CALCOCO2: variants seen among roughly 807,000 people sequenced by gnomAD.
CALCOCO2 encodes calcium binding and coiled-coil domain 2.
In CALCOCO2, 42 loss-of-function variants were observed where a neutral mutation model predicts 62.5. The observed-to-expected ratio is 0.67, with a 90% CI of 0.53 to 0.87. The LOEUF (loss-of-function observed/expected upper bound fraction) is 0.87. Among genes scored for constraint, CALCOCO2 ranks in the 40% least tolerant of loss-of-function variants. The pLI, the probability that CALCOCO2 is intolerant of heterozygous loss-of-function variation, is 0.00. For missense variants in CALCOCO2, 456 were observed against 515.0 expected (o/e 0.89, Z 1.11); for synonymous variants, 167 against 173.0 (o/e 0.97, Z 0.27).
rs2040123081 is a variant in CALCOCO2, at chr17:48,851,104, C to T, written c.559C>T (p.Leu187=). 4.4e-6 allele frequency: 7 copies of T among 1,603,474 alleles called. No individual in the cohort carries two copies. The highest frequency in any genetic ancestry group is 5.1e-6 in the Non-Finnish European group (6 of 1,170,584). The change falls in exon 6 of 13, where the codon CTA becomes TTA. Residue 187 remains leucine (L), a synonymous_variant. Coordinates refer to ENST00000258947, the MANE Select transcript of CALCOCO2 (RefSeq NM_005831.5). ...LQKKQEELET[L]QSINKKLELK... is the part of the protein sequence containing the mutation. ...CAATCTATAGGAGGAGCTAGAAACC[C>T]TACAGAGCATCAATAAGAAGTTGGA... is the stretch of plus-strand genomic sequence containing the variant.
At chr17:48,860,221 T>G in intron 10 of CALCOCO2, 93 bp from the exon 11 acceptor site, 1 of 913,170 alleles carries the variant, frequency 1.1e-6, no homozygotes, top group Non-Finnish European at 1.7e-6. Flanking sequence ...CATTGCTAAT[T>G]GAGAACTACC....
At chr17:48,832,603 G>A (rs1373220928) in intron 1 of CALCOCO2, among the ~76,000 whole-genome samples, 1 of 152,152 alleles carries the variant, frequency 6.6e-6, no homozygotes. Flanking sequence ...CCAGAAAAGG[G>A]TACTGTGACT....
intron 9 of CALCOCO2, 190 bp downstream of exon 9, chr17:48,853,202 T>C (rs921495757): frequency 3.7e-6 from 2 of 542,262 alleles, no homozygotes; most frequent in Non-Finnish European, 6.6e-6. Context: ...ATTTCTAATA[T>C]GTGATAAGTA....
chr17:48,846,007 C>G, intron 2 of CALCOCO2: 1 of 1,171,704 alleles, frequency 8.5e-7, no homozygotes, highest in Non-Finnish European at 1.2e-6. Flanking sequence ...CAGCTCACCT[C>G]AAATGCTCTC....
At chr17:48,852,228 A>T in intron 7 of CALCOCO2, 1 of 308,066 alleles carries the variant, frequency 3.2e-6, no homozygotes. Context: ...CTCTTAATAT[A>T]GATGACAATC....
intron 1 of CALCOCO2, among the ~76,000 whole-genome samples, chr17:48,840,118 T>TGTTGTTGTTGTTGTC (rs2039956918): frequency 6.6e-6 from 1 of 151,988 alleles, no homozygotes; most frequent in African/African-American, 2.4e-5. Flanking sequence ...CCTATTTCGT[T>TGTTGTTGTTGTTGTC]GTTGTTGTTG....
intron 2 of CALCOCO2, chr17:48,842,508 G>C (rs2143595126): frequency 6.6e-6 from 1 of 152,266 alleles, no homozygotes; most frequent in African/African-American, 2.4e-5. Flanking sequence ...TGTTGAGATA[G>C]AGTCTTGCTC....
intron 4 of CALCOCO2, 34 bp from the exon 5 acceptor site, chr17:48,849,218 C>G (rs1004390097): frequency 4.3e-6 from 7 of 1,609,246 alleles, no homozygotes; most frequent in Non-Finnish European, 6.0e-6. Context: ...GCTAGAGGGA[C>G]TTGGAATATA....
intron 4 of CALCOCO2, chr17:48,848,671 C>T (rs943051831): frequency 1.6e-5 from 10 of 610,488 alleles, no homozygotes; most frequent in African/African-American, 3.7e-5. Flanking sequence ...ACTTCTTTAA[C>T]TCAGCTGGCA....
intron 2 of CALCOCO2, among the ~76,000 whole-genome samples, chr17:48,847,428 C>T (rs779989835): frequency 1.3e-4 from 20 of 152,140 alleles, no homozygotes; most frequent in Non-Finnish European, 2.6e-4. Context: ...AGCTCTATCT[C>T]TGACTTGTAG....
intron 10 of CALCOCO2, among the ~76,000 whole-genome samples, chr17:48,859,615 T>A (rs1181913221): frequency 6.6e-6 from 1 of 151,626 alleles, no homozygotes; most frequent in Non-Finnish European, 1.5e-5. Flanking sequence ...AAAAACAAAT[T>A]TAACAACAAC....
At chr17:48,851,668 G>A (rs2040131626) in intron 7 of CALCOCO2, 40 bp downstream of exon 7, 3 of 1,146,110 alleles carry the variant, frequency 2.6e-6, no homozygotes, top group Non-Finnish European at 2.7e-6. Context: ...TATTTTCTTA[G>A]CCTTACCACT....
At chr17:48,862,733 G>A in intron 12 of CALCOCO2, 105 bp from the exon 13 acceptor site, 1 of 868,702 alleles carries the variant, frequency 1.2e-6, no homozygotes, top group Non-Finnish European at 1.9e-6. Flanking sequence ...CTAACCATGT[G>A]CCAGTCATTA....
chr17:48,856,749 G>A (rs1366116425), intron 10 of CALCOCO2: 3 of 369,248 alleles, frequency 8.1e-6, no homozygotes, highest in Non-Finnish European at 1.1e-5. Flanking sequence ...TGTACTTGAA[G>A]TCAAGGTCAT....
chr17:48,852,879 A>G (rs368214911), intron 8 of CALCOCO2, 47 bp from the exon 9 acceptor site: 33 of 1,359,310 alleles, frequency 2.4e-5, no homozygotes, highest in Non-Finnish European at 3.5e-5. Context: ...GTGTGTGTGC[A>G]TGTGTGTGTT....
intron 7 of CALCOCO2, 26 bp from the exon 8 acceptor site, chr17:48,852,480 G>C: frequency 1.3e-6 from 2 of 1,598,790 alleles, no homozygotes; most frequent in Non-Finnish European, 1.7e-6. Context: ...TTTATATCTT[G>C]GTTATGTTCA....
At position 48,841,734 on chromosome 17, in the gene CALCOCO2, C is replaced by A. The variant is rs777380934; in HGVS notation, c.27C>A (p.Pro9=). 3.1e-6 allele frequency: 5 copies of A among 1,612,854 alleles called. No individual in the cohort carries two copies. The South Asian group carries it at 3.3e-5, about 11-fold the overall frequency. The part of the protein sequence containing the change: MEETIKDP[P]TSAVLLDHCH... The stretch of plus-strand genomic sequence containing the variant: ...TGGAGGAGACCATCAAAGATCCCCC[C>A]ACATCAGCTGTCTTGCTGGATCACT... Residue 9 remains proline, a synonymous_variant, in exon 2 of 13, where the codon CCC becomes CCA. Transcript: ENST00000258947.
At chr17:48,849,137 G>C in intron 4 of CALCOCO2, 115 bp from the exon 5 acceptor site, 1 of 906,256 alleles carries the variant, frequency 1.1e-6, no homozygotes, top group South Asian at 1.5e-5. Flanking sequence ...CCCCATCTGG[G>C]ATACATAGGT....
chr17:48,848,281 A>G (rs747462820), intron 3 of CALCOCO2, 41 bp from the exon 4 acceptor site: 2 of 1,602,716 alleles, frequency 1.2e-6, no homozygotes, highest in Admixed American at 3.4e-5. Context: ...ACTTTTCTGA[A>G]TAGATCTTAT....
Sources: gnomAD v4.1 joint callset for allele counts (sites outside exome capture counted in the v4.1 genomes callset) on GRCh38, gnomAD v4.1.1 for gene constraint, MANE v1.5 for transcripts, NCBI Gene and HGNC (gene_info 2026-07-23, HGNC 2026-07-21) for gene names.